The following KCP variants were observed in gnomAD, a reference collection of about 807,000 sequenced individuals.
KCP encodes kielin/chordin-like protein.
KCP carries 194 observed loss-of-function variants against 212.7 expected under a neutral mutation model. That is an observed-to-expected ratio of 0.91 (90% CI 0.81 to 1.03). KCP has a LOEUF of 1.03. Ranked by LOEUF, KCP falls within the 50% of genes least tolerant of loss-of-function variation. The pLI is 0.00. For synonymous variants in KCP, 833 were observed against 865.3 expected (o/e 0.96, Z 0.65); for missense variants, 2,080 against 2,162.5 (o/e 0.96, Z 0.76).
chr7:128,899,634 A>G (rs1410116235), intron 8 of KCP, among the ~76,000 whole-genome samples: 1 of 152,162 alleles, frequency 6.6e-6, no homozygotes, highest in Non-Finnish European at 1.5e-5. Flanking sequence ...AGTAAAGTAT[A>G]CTCCTGTGAA....
chr7:128,879,014 C>A (rs961405653), intron 37 of KCP: 3 of 448,738 alleles, frequency 6.7e-6, no homozygotes, highest in Non-Finnish European at 1.2e-5. Flanking sequence ...AAATGCAACC[C>A]CCTTCCGGGG....
In KCP at chr7:128,880,318, A is replaced by G. The variant is rs886834095; in HGVS notation, c.3759+68T>C. The G allele has an allele frequency of 7.6e-6, 11 of 1,455,018 alleles. No individual in the cohort carries two copies. In the African/African-American group the frequency reaches 1.6e-4, roughly 21 times the overall value. 90.1% of individuals were successfully genotyped at this position (1,455,018 alleles called of 1,614,324 possible). On this transcript the variant is annotated intron_variant, in intron 34 of 39. Transcript: ENST00000610776. Reference sequence around the variant, plus strand: ...CAGCCTCCCTCTCTGATGCCTGGTCACACCAGGATGGCGGTACCATGTGCC... The same window carrying G: ...CAGCCTCCCTCTCTGATGCCTGGTCGCACCAGGATGGCGGTACCATGTGCC...
At chr7:128,883,245 T>C (rs7784538) in intron 29 of KCP, among the ~76,000 whole-genome samples, 21,796 of 151,402 alleles carry the variant, frequency 0.14, 2,075 homozygotes, top group East Asian at 0.5. Context: ...GTTCAAGCTA[T>C]CCTCCTGCCT....
rs922107427 is a variant in KCP at position 128,892,891 on chromosome 7, G to T, written c.1398C>A (p.Cys466Ter). The change falls in exon 14 of 40, where the codon TGC (cysteine) becomes TGA (stop). Residue 466 changes from cysteine (C) to a stop codon, truncating the protein, a stop_gained. Coordinates refer to ENST00000610776, the MANE Select transcript of KCP (RefSeq NM_001366122.1). LOFTEE classifies it high-confidence loss of function. Reference sequence around the variant, plus strand: ...CACCAGGGGGCTGGGTGGGGTGCTGGCAGGGGGCTGGGGGGCAGAGCACAG... The same window carrying T: ...CACCAGGGGGCTGGGTGGGGTGCTGTCAGGGGGCTGGGGGGCAGAGCACAG... ...CGAVLCPPAPCQHPTQPPGAC... is the reference protein window; with the variant it reads ...CGAVLCPPAP 25 of 1,548,836 alleles carry T rather than the reference G, an allele frequency of 1.6e-5. 1 individual carries two copies. Among genetic ancestry groups the T allele is most frequent in the Middle Eastern group, 3.3e-4 (2 of 6,006 alleles).
chr7:128,884,226 G>T (rs1480266214), intron 28 of KCP, 104 bp from the exon 29 acceptor site: 3 of 1,401,378 alleles, frequency 2.1e-6, no homozygotes, highest in African/African-American at 2.9e-5. Context: ...AGCCTCTTCC[G>T]GGACATGTCT....
intron 5 of KCP, among the ~76,000 whole-genome samples, chr7:128,905,361 C>T (rs1795071607): frequency 6.6e-6 from 1 of 152,170 alleles, no homozygotes; most frequent in African/African-American, 2.4e-5. Context: ...TCTGGCAACA[C>T]TATCACCTTA....
At chr7:128,903,621 G>A (rs919979035) in intron 7 of KCP, 106 bp downstream of exon 7, 38 of 873,828 alleles carry the variant, frequency 4.3e-5, no homozygotes, top group Admixed American at 4.0e-4. Flanking sequence ...TTCCAGCTCC[G>A]CCACGGACCA....
chr7:128,882,064 G>T, intron 29 of KCP, 48 bp from the exon 30 acceptor site: 1 of 1,430,012 alleles, frequency 7.0e-7, no homozygotes, highest in Non-Finnish European at 9.6e-7. Context: ...GGGGCACAGG[G>T]CTGGAAATCC....
chr7:128,907,305 G>A lies in KCP; in HGVS notation c.368C>T (p.Ala123Val), dbSNP rs765238929. The change falls in exon 3 of 40, where the codon GCC becomes GTC. Residue 123 changes from alanine (A) to valine (V), a missense_variant. By Grantham distance (64) the Ala-to-Val change is moderately conservative. Coordinates refer to ENST00000610776, the MANE Select transcript of KCP (RefSeq NM_001366122.1). ...GTGTGCTTGGGGGCCACAGTGAGCGGCCCCATCCTGGCAGACGCAGGCTGT... is the reference window on the plus strand; with the variant it reads ...GTGTGCTTGGGGGCCACAGTGAGCGACCCCATCCTGGCAGACGCAGGCTGT... ...ACTACVCQDG[A>V]AHCGPQAHLP... is the part of the protein sequence containing the mutation. The A allele has an allele frequency of 1.3e-6, 2 of 1,539,522 alleles. No individual in the cohort carries two copies. Among genetic ancestry groups the A allele is most frequent in the Middle Eastern group, 3.4e-4 (2 of 5,934 alleles).
At position 128,893,313 on chromosome 7, in the gene KCP, C is replaced by T. The variant is rs764774999; in HGVS notation, c.1192G>A (p.Glu398Lys). The change falls in exon 13 of 40, where the codon GAG becomes AAG. Residue 398 changes from glutamate to lysine, a missense_variant. Physicochemically the swap from Glu to Lys is moderately conservative, Grantham distance 56. Transcript: ENST00000610776. ...LCVRCSCQAG[E>K]VSCEEQECPV... ...CACTCCTGCTCCTCACAGGAGACCT[C>T]GCCAGCCTAGGAGGGAAGCAGGTGA... The T allele has an allele frequency of 7.1e-6, 11 of 1,551,426 alleles. No homozygotes were observed. Among genetic ancestry groups the T allele is most frequent in the Middle Eastern group, 1.7e-4 (1 of 6,014 alleles).
intron 2 of KCP, 95 bp from the exon 3 acceptor site, chr7:128,907,548 G>A: frequency 1.1e-6 from 1 of 877,062 alleles, no homozygotes; most frequent in Non-Finnish European, 1.6e-6. Context: ...GGATGAGAAA[G>A]AAGTTCGCCA....
chr7:128,909,923 G>C (rs997080897), intron 1 of KCP, among the ~76,000 whole-genome samples: 1 of 152,134 alleles, frequency 6.6e-6, no homozygotes, highest in Non-Finnish European at 1.5e-5. Context: ...CACAGAGGGC[G>C]GCCACGATGG....
chr7:128,886,778 C>T (rs1793673998), intron 24 of KCP, 41 bp from the exon 25 acceptor site: 1 of 1,539,784 alleles, frequency 6.5e-7, no homozygotes, highest in African/African-American at 1.4e-5. Context: ...CCTGTGCCAC[C>T]CTGCCCTGCT....
chr7:128,896,087 G>A (rs1002959958), intron 8 of KCP, among the ~76,000 whole-genome samples: 2 of 152,244 alleles, frequency 1.3e-5, no homozygotes, highest in Middle Eastern at 3.4e-3. Context: ...ATGATAGTGC[G>A]GAAACCCCCG....
intron 7 of KCP, chr7:128,903,163 C>A (rs1235968578): frequency 6.7e-6 from 3 of 449,710 alleles, no homozygotes; most frequent in African/African-American, 4.0e-5. Flanking sequence ...TGCACACTCA[C>A]CCTCCGTGTC....
intron 23 of KCP, 31 bp from the exon 24 acceptor site, chr7:128,886,997 C>T (rs1793693855): frequency 3.4e-6 from 4 of 1,181,070 alleles, no homozygotes; most frequent in Non-Finnish European, 4.9e-6. Flanking sequence ...ACACCCTCAA[C>T]TGGACTGCAC....
At position 128,886,704 on chromosome 7, in the gene KCP, C is replaced by T. The variant is rs370448478; in HGVS notation, c.2723G>A (p.Gly908Glu). 4.5e-6 allele frequency: 7 copies of T among 1,551,554 alleles called. No individual in the cohort carries two copies. The highest frequency in any genetic ancestry group is 2.0e-5 in the Admixed American group (1 of 50,972). Reference sequence around the variant, plus strand: ...GCCTGCTGGTCCCTCAAACTCCTCCCCATCCTGGTGCTCCCGGCCCTGAGA... The same window carrying T: ...GCCTGCTGGTCCCTCAAACTCCTCCTCATCCTGGTGCTCCCGGCCCTGAGA... ...CLSQGREHQD[G>E]EEFEGPAGSC... The change falls in exon 25 of 40, where the codon GGG becomes GAG. Residue 908 changes from glycine (G) to glutamate (E), a missense_variant. By Grantham distance (98) the Gly-to-Glu change is moderately conservative (BLOSUM62 -2). Transcript: ENST00000610776.
chr7:128,890,610 G>T, intron 20 of KCP, 97 bp from the exon 21 acceptor site: 1 of 983,274 alleles, frequency 1.0e-6, no homozygotes, highest in Non-Finnish European at 1.5e-6. Flanking sequence ...CGGGTGTCGT[G>T]GGGGCCGTGG....
In KCP at chr7:128,883,986, A is replaced by C. The variant is rs1430612638; in HGVS notation, c.3244+16T>G. On this transcript the variant is annotated intron_variant, in intron 29 of 39. Coordinates refer to ENST00000610776, the MANE Select transcript of KCP (RefSeq NM_001366122.1). ...CTAACCTCATATCTCATCTACCCCC[A>C]CATCCCTGGACTCACCGGCACAGGT... The C allele has an allele frequency of 1.1e-5, 17 of 1,544,816 alleles. No individual in the cohort carries two copies. Among genetic ancestry groups the C allele is most frequent in the Non-Finnish European group, 1.5e-5 (17 of 1,144,878 alleles).
Sources: allele counts gnomAD v4.1 joint callset (sites outside exome capture counted in the v4.1 genomes callset), GRCh38; gene constraint gnomAD v4.1.1; transcripts MANE v1.5; gene names NCBI Gene and HGNC (gene_info 2026-07-23, HGNC 2026-07-21).